Variants in SORCS1 observed in about 807,000 individuals in gnomAD.
The protein encoded by SORCS1 is sortilin related VPS10 domain containing receptor 1.
A neutral mutation model predicts 146.1 loss-of-function variants in SORCS1; 60 were observed. The observed-to-expected ratio is 0.41, with a 90% confidence interval of 0.33 to 0.51. The LOEUF (loss-of-function observed/expected upper bound fraction) is 0.51, where lower values mean the gene tolerates loss of function less well. Among genes scored for constraint, SORCS1 ranks in the 20% least tolerant of loss-of-function variants. SORCS1 has a pLI of 0.21. For synonymous variants in SORCS1, 637 were observed against 584.0 expected (o/e 1.09, Z -1.31); for missense variants, 1,352 against 1,487.6 (o/e 0.91, Z 1.50).
intron 1 of SORCS1, among the ~76,000 whole-genome samples, chr10:106,976,489 A>C (rs1400626283): frequency 2.7e-5 from 4 of 150,928 alleles, no homozygotes; most frequent in African/African-American, 7.3e-5. Context: ...CCGCCACCAC[A>C]CCCGGCTAAT....
intron 5 of SORCS1, among the ~76,000 whole-genome samples, chr10:106,740,525 C>A (rs1200880693): frequency 2.0e-5 from 3 of 151,960 alleles, no homozygotes; most frequent in Admixed American, 6.6e-5. Flanking sequence ...ATATGGAACA[C>A]AGAGAAATTA....
Position 107,146,848 on chromosome 10 carries a change from T to C in SORCS1, c.558+17121A>G, listed in dbSNP as rs551622795. 7.9e-5 allele frequency among the ~76,000 whole-genome samples: 12 copies of C among 152,248 alleles called. No homozygotes were observed. The South Asian group carries it at 2.5e-3, about 32-fold the overall frequency. The stretch of plus-strand genomic sequence containing the variant: ...CTTAACTAGACTTTAATTTAGAGAA[T>C]AATGATTGTGACTACTTCCTATTGT... On this transcript the variant is annotated intron_variant, in intron 1 of 25. Transcript: ENST00000263054.
At chr10:106,833,493 C>T (rs1948653065) in intron 2 of SORCS1, among the ~76,000 whole-genome samples, 1 of 152,198 alleles carries the variant, frequency 6.6e-6, no homozygotes, top group Admixed American at 6.5e-5. Context: ...ATAGTAAATA[C>T]TTTCAAACCA....
At chr10:106,919,929 TA>T (rs1359436210) in intron 2 of SORCS1, among the ~76,000 whole-genome samples, 2 of 152,238 alleles carry the variant, frequency 1.3e-5, no homozygotes, top group Admixed American at 6.5e-5. Context: ...AGTTTCACAA[TA>T]TACCTGATTG....
At chr10:106,685,899 T>A (rs1852793605) in intron 10 of SORCS1, among the ~76,000 whole-genome samples, 1 of 152,218 alleles carries the variant, frequency 6.6e-6, no homozygotes, top group Admixed American at 6.5e-5. Flanking sequence ...CAATCTGATA[T>A]ATAGTAAAAT....
intron 2 of SORCS1, among the ~76,000 whole-genome samples, chr10:106,880,371 A>G (rs1589618361): frequency 6.6e-6 from 1 of 152,242 alleles, no homozygotes; most frequent in South Asian, 2.1e-4. Flanking sequence ...AAAAATACCT[A>G]TGAACATATT....
intron 6 of SORCS1, among the ~76,000 whole-genome samples, chr10:106,710,237 T>C (rs1854873650): frequency 6.6e-6 from 1 of 152,112 alleles, no homozygotes; most frequent in Non-Finnish European, 1.5e-5. Flanking sequence ...TCACGAGGTC[T>C]GGAGTTCACA....
intron 1 of SORCS1, among the ~76,000 whole-genome samples, chr10:106,977,861 A>C (rs558462702): frequency 7.9e-5 from 12 of 152,268 alleles, no homozygotes; most frequent in Non-Finnish European, 1.8e-4. Context: ...TAAATATCAT[A>C]AAGAATGTTG....
chr10:106,998,926 A>G (rs1173371714), intron 1 of SORCS1, among the ~76,000 whole-genome samples: 1 of 152,148 alleles, frequency 6.6e-6, no homozygotes, highest in Non-Finnish European at 1.5e-5. Flanking sequence ...TCCTTGTATT[A>G]TTTTTCAGTT....
intron 1 of SORCS1, among the ~76,000 whole-genome samples, chr10:107,005,123 C>G (rs1260640312): frequency 6.6e-6 from 1 of 152,164 alleles, no homozygotes; most frequent in East Asian, 1.9e-4. Context: ...GGTCAAAGAT[C>G]TCCGCATAAG....
At chr10:106,714,746 C>G in intron 6 of SORCS1, among the ~76,000 whole-genome samples, 1 of 152,142 alleles carries the variant, frequency 6.6e-6, no homozygotes, top group Non-Finnish European at 1.5e-5. Context: ...CAACAAATCC[C>G]TAGTCCAGCC....
chr10:106,798,254 A>G (rs1400547113), intron 3 of SORCS1, among the ~76,000 whole-genome samples: 3 of 152,144 alleles, frequency 2.0e-5, no homozygotes, highest in African/African-American at 7.2e-5. Context: ...TGCAACTTTA[A>G]GTCCATTAAA....
chr10:107,150,493 C>T (rs1262184220), intron 1 of SORCS1, among the ~76,000 whole-genome samples: 2 of 152,224 alleles, frequency 1.3e-5, no homozygotes, highest in African/African-American at 2.4e-5. Context: ...TGGTTGGGTG[C>T]AAAATCACTC....
intron 2 of SORCS1, among the ~76,000 whole-genome samples, chr10:106,855,263 T>C (rs1949740739): frequency 6.6e-6 from 1 of 152,210 alleles, no homozygotes; most frequent in African/African-American, 2.4e-5. Context: ...TCTTTACAGG[T>C]AGGTGTTCCC....
intron 2 of SORCS1, among the ~76,000 whole-genome samples, chr10:106,897,715 A>T (rs1392116044): frequency 6.6e-6 from 1 of 152,158 alleles, no homozygotes; most frequent in African/African-American, 2.4e-5. Flanking sequence ...CTAAAAAAAA[A>T]AATGTCATGA....
At chr10:107,117,022 A>G (rs977535888) in intron 1 of SORCS1, among the ~76,000 whole-genome samples, 6 of 152,196 alleles carry the variant, frequency 3.9e-5, no homozygotes, top group Non-Finnish European at 5.9e-5. Flanking sequence ...TTAAAATCCA[A>G]TTTTCAGTTT....
At chr10:107,155,635 G>C in intron 1 of SORCS1, among the ~76,000 whole-genome samples, 1 of 152,198 alleles carries the variant, frequency 6.6e-6, no homozygotes, top group Non-Finnish European at 1.5e-5. Context: ...TGTACAGTGG[G>C]AATTGCTGAG....
Position 106,574,548 on chromosome 10 carries a change from C to T in SORCS1, c.*2872G>A, listed in dbSNP as rs904243366. 6.6e-6 allele frequency: 1 copy of T among 152,578 alleles called. No homozygotes were observed. The highest frequency in any genetic ancestry group is 1.5e-5 in the Non-Finnish European group (1 of 68,046). The allele number at this position is 152,578 out of a possible 1,614,324, so 9.5% of individuals were successfully genotyped here. ...CTCAAACTTTAGTATGTATCACAAT[C>T]ACTGGGAGGGCTTGTTAAAATAGGT... On this transcript the variant is annotated 3_prime_UTR_variant, in exon 26 of 26. Coordinates refer to ENST00000263054, the MANE Select transcript of SORCS1 (RefSeq NM_052918.5).
chr10:106,744,459 T>A (rs1316889894), intron 5 of SORCS1, among the ~76,000 whole-genome samples: 1 of 152,196 alleles, frequency 6.6e-6, no homozygotes, highest in Non-Finnish European at 1.5e-5. Flanking sequence ...GGTAAATATC[T>A]GTATGTGTCT....
Sources: allele counts gnomAD v4.1 joint callset (sites outside exome capture counted in the v4.1 genomes callset), GRCh38; gene constraint gnomAD v4.1.1; transcripts MANE v1.5; gene names NCBI Gene and HGNC (gene_info 2026-07-23, HGNC 2026-07-21).